ALK: variants seen among roughly 807,000 people sequenced by gnomAD.
ALK encodes ALK receptor tyrosine kinase, also known as ALK tyrosine kinase receptor.
A neutral mutation model predicts 163.1 loss-of-function variants in ALK; 74 were observed. The observed-to-expected ratio is 0.45, with a 90% CI of 0.38 to 0.55. The LOEUF is 0.55. Among genes scored for constraint, ALK ranks in the 20% least tolerant of loss-of-function variants. The pLI, the probability that ALK is intolerant of heterozygous loss-of-function variation, is 0.00. For synonymous variants in ALK, 960 were observed against 843.2 expected (o/e 1.14, Z -2.40); for missense variants, 2,063 against 2,105.3 (o/e 0.98, Z 0.39).
intron 1 of ALK, among the ~76,000 whole-genome samples, chr2:29,883,073 C>G (rs998188332): frequency 1.4e-5 from 2 of 138,602 alleles, no homozygotes; most frequent in Non-Finnish European, 3.1e-5. Context: ...AGAGAGACGA[C>G]AGAGAGAGGA....
intron 5 of ALK, among the ~76,000 whole-genome samples, chr2:29,374,021 G>A (rs1297361967): frequency 6.6e-6 from 1 of 152,200 alleles, no homozygotes; most frequent in Non-Finnish European, 1.5e-5. Context: ...CTGGAAAAGA[G>A]GTAAATTTTC....
At chr2:29,511,973 G>A (rs985476147) in intron 4 of ALK, among the ~76,000 whole-genome samples, 2 of 152,068 alleles carry the variant, frequency 1.3e-5, no homozygotes, top group African/African-American at 4.8e-5. Flanking sequence ...TCAGATGTAA[G>A]TATAGCTAAT....
chr2:29,598,422 C>A (rs186593684), intron 3 of ALK, among the ~76,000 whole-genome samples: 141 of 152,238 alleles, frequency 9.3e-4, no homozygotes, highest in African/African-American at 3.3e-3. Flanking sequence ...TAACAGAACC[C>A]AGCATAGAAA....
At chr2:29,578,341 G>A (rs1235127795) in intron 3 of ALK, among the ~76,000 whole-genome samples, 2 of 152,150 alleles carry the variant, frequency 1.3e-5, no homozygotes. Flanking sequence ...CCAGTCTCAG[G>A]TATGTCTTTA....
intron 4 of ALK, among the ~76,000 whole-genome samples, chr2:29,448,165 A>T (rs1670733493): frequency 6.6e-6 from 1 of 152,202 alleles, no homozygotes; most frequent in Non-Finnish European, 1.5e-5. Context: ...TAACGGACAC[A>T]GTTCGAATCA....
intron 1 of ALK, among the ~76,000 whole-genome samples, chr2:29,770,783 C>T (rs1030336494): frequency 1.6e-4 from 25 of 152,044 alleles, no homozygotes; most frequent in African/African-American, 5.6e-4. Context: ...AAAAGCAAAT[C>T]ACCAGTCCAG....
intron 1 of ALK, among the ~76,000 whole-genome samples, chr2:29,718,333 C>T (rs1188460227): frequency 1.3e-5 from 2 of 152,182 alleles, no homozygotes; most frequent in Non-Finnish European, 2.9e-5. Context: ...TATTCCTGTC[C>T]TTAGCAGCAC....
At chr2:29,500,754 T>C (rs1018904894) in intron 4 of ALK, among the ~76,000 whole-genome samples, 4 of 152,084 alleles carry the variant, frequency 2.6e-5, no homozygotes, top group Admixed American at 6.6e-5. Flanking sequence ...CCCCAGCTGG[T>C]TAAATCTTCC....
rs70962244 is a variant in ALK, at chr2:29,888,261, TAAAA to T, written c.667+31728_667+31731del. ...CCAATAAATTGTTTTTTTTTTTTTT[TAAAA>T]AAAGGGAAACTATGTATTAAGCTAA... On this transcript the variant is annotated intron_variant, in intron 1 of 28. Transcript: ENST00000389048. Among the ~76,000 whole-genome samples the T allele has an allele frequency of 1.7e-3, 249 of 145,734 alleles. 2 individuals carry two copies. The highest frequency in any genetic ancestry group is 3.4e-3 in the Middle Eastern group (1 of 292).
chr2:29,463,993 A>C (rs1671147117), intron 4 of ALK, among the ~76,000 whole-genome samples: 2 of 152,334 alleles, frequency 1.3e-5, no homozygotes, highest in South Asian at 2.1e-4. Context: ...TCCCACAATA[A>C]AGGCTACTCT....
intron 6 of ALK, among the ~76,000 whole-genome samples, chr2:29,327,825 T>C (rs11692807): frequency 0.19 from 29,405 of 152,068 alleles, 3,321 homozygotes; most frequent in African/African-American, 0.29. Flanking sequence ...TTGTGGGGGA[T>C]GGCCAGGGAG....
At chr2:29,476,010 G>A (rs1355042384) in intron 4 of ALK, among the ~76,000 whole-genome samples, 1 of 152,230 alleles carries the variant, frequency 6.6e-6, no homozygotes, top group Admixed American at 6.5e-5. Flanking sequence ...GGGACAGTGG[G>A]GCAGAGACTC....
At chr2:29,488,404 C>A (rs866736665) in intron 4 of ALK, among the ~76,000 whole-genome samples, 10 of 152,290 alleles carry the variant, frequency 6.6e-5, no homozygotes, top group Admixed American at 5.2e-4. Flanking sequence ...CTCACCAGCT[C>A]TCCTAAACGT....
At chr2:29,845,860 G>A (rs1354868265) in intron 1 of ALK, among the ~76,000 whole-genome samples, 2 of 152,184 alleles carry the variant, frequency 1.3e-5, no homozygotes, top group Non-Finnish European at 2.9e-5. Context: ...TCTGGGAACT[G>A]TGACTCTCCA....
chr2:29,430,436 T>C (rs1670245372), intron 4 of ALK, among the ~76,000 whole-genome samples: 1 of 152,234 alleles, frequency 6.6e-6, no homozygotes. Context: ...ACATAGTCAA[T>C]GTTTTAGGCT....
At chr2:29,631,351 A>C (rs1431520840) in intron 3 of ALK, among the ~76,000 whole-genome samples, 7 of 152,242 alleles carry the variant, frequency 4.6e-5, no homozygotes, top group Non-Finnish European at 1.5e-5. Context: ...TTCTAAACTC[A>C]AAACAGTTCA....
At chr2:29,707,350 G>A (rs1678940014) in intron 2 of ALK, among the ~76,000 whole-genome samples, 1 of 152,100 alleles carries the variant, frequency 6.6e-6, no homozygotes, top group South Asian at 2.1e-4. Context: ...GACTGCCCGA[G>A]CACAGACCTT....
At chr2:29,283,788 T>C (rs1665775753) in intron 9 of ALK, among the ~76,000 whole-genome samples, 1 of 152,078 alleles carries the variant, frequency 6.6e-6, no homozygotes, top group Admixed American at 6.6e-5. Context: ...ATTGCTCCTG[T>C]TTTATATTAT....
intron 4 of ALK, among the ~76,000 whole-genome samples, chr2:29,442,859 C>A (rs957518297): frequency 1.3e-5 from 2 of 152,196 alleles, no homozygotes; most frequent in African/African-American, 2.4e-5. Flanking sequence ...TAGTGTTAGA[C>A]AAATGATTCT....
Sources: gnomAD v4.1 joint callset for allele counts (sites outside exome capture counted in the v4.1 genomes callset) on GRCh38, gnomAD v4.1.1 for gene constraint, MANE v1.5 for transcripts, NCBI Gene and HGNC (gene_info 2026-07-23, HGNC 2026-07-21) for gene names.